The following COL5A2 variants were observed in gnomAD, a reference collection of about 807,000 sequenced individuals.
COL5A2 encodes collagen alpha-2(V) chain.
A neutral mutation model predicts 208.2 loss-of-function variants in COL5A2; 23 were observed. That is an observed-to-expected ratio of 0.11 (90% CI 0.08 to 0.16). The LOEUF is 0.16. Among genes scored for constraint, COL5A2 ranks in the 10% least tolerant of loss-of-function variants. The pLI, the probability that COL5A2 is intolerant of heterozygous loss-of-function variation, is 1.00. For synonymous variants in COL5A2, 625 were observed against 628.5 expected (o/e 0.99, Z 0.08); for missense variants, 1,590 against 1,956.4 (o/e 0.81, Z 3.53).
chr2:189,337,662 G>C, the COL5A2 span, among the ~76,000 whole-genome samples: 1 of 151,848 alleles, frequency 6.6e-6, no homozygotes, highest in Non-Finnish European at 1.5e-5. Flanking sequence ...GAACAGAAGG[G>C]GTTACAATCT....
the COL5A2 span, among the ~76,000 whole-genome samples, chr2:189,333,745 A>G: frequency 6.6e-6 from 1 of 152,084 alleles, no homozygotes; most frequent in Non-Finnish European, 1.5e-5. Flanking sequence ...GAACTCACCA[A>G]TCTATCAGTC....
chr2:189,272,471 T>G, the COL5A2 span, among the ~76,000 whole-genome samples: 88,406 of 151,566 alleles, frequency 0.58, 27,039 homozygotes, highest in East Asian at 0.72. Context: ...TGAGAACACA[T>G]GGACACAGGG....
At chr2:189,428,917 A>T in the COL5A2 span, among the ~76,000 whole-genome samples, 1 of 152,354 alleles carries the variant, frequency 6.6e-6, no homozygotes, top group African/African-American at 2.4e-5. Flanking sequence ...ATGTCAAAAA[A>T]TAGAAAGTAG....
intron 1 of COL5A2, among the ~76,000 whole-genome samples, chr2:189,128,829 C>T (rs1024426829): frequency 6.6e-6 from 1 of 151,942 alleles, no homozygotes; most frequent in Non-Finnish European, 1.5e-5. Flanking sequence ...TCTGCTTCTT[C>T]CTTATAATAA....
the COL5A2 span, among the ~76,000 whole-genome samples, chr2:189,397,691 C>T: frequency 6.6e-6 from 1 of 151,652 alleles, no homozygotes; most frequent in African/African-American, 2.4e-5. Context: ...ACATTTGTGT[C>T]TTCTTTCTCT....
At chr2:189,344,473 C>T in the COL5A2 span, among the ~76,000 whole-genome samples, 2 of 152,176 alleles carry the variant, frequency 1.3e-5, no homozygotes, top group African/African-American at 2.4e-5. Flanking sequence ...GATGCCAAAC[C>T]GCTCCAGACA....
chr2:189,053,930 C>A lies in COL5A2; in HGVS notation c.2464G>T (p.Gly822Cys), dbSNP rs766832990. 1.2e-6 allele frequency: 2 copies of A among 1,614,014 alleles called. No homozygotes were observed. Residue 822 changes from glycine (G) to cysteine (C), a missense_variant, in exon 37 of 54, where the codon GGT becomes TGT. Transcript: ENST00000374866. ...TGEKGEPGPR[G>C]LVGPPGSRGN... ...CGGGAGCCAGGAGGGCCAACTAAAC[C>A]TCGAGGACCAGGTTCACCCTAGAAA...
the COL5A2 span, among the ~76,000 whole-genome samples, chr2:189,427,671 C>A: frequency 1.3e-4 from 20 of 152,326 alleles, no homozygotes; most frequent in East Asian, 3.9e-3. Flanking sequence ...CCCAAGGCTT[C>A]GGGAGCCCAC....
the COL5A2 span, among the ~76,000 whole-genome samples, chr2:189,323,694 A>G: frequency 6.6e-6 from 1 of 152,216 alleles, no homozygotes; most frequent in Non-Finnish European, 1.5e-5. Flanking sequence ...ATGGAAGAAC[A>G]TTCCATGCTC....
the COL5A2 span, among the ~76,000 whole-genome samples, chr2:189,322,601 C>A: frequency 1.3e-5 from 2 of 152,174 alleles, no homozygotes; most frequent in Non-Finnish European, 2.9e-5. Flanking sequence ...TTCCTCGACA[C>A]ATACACCCTC....
intron 7 of COL5A2, 57 bp downstream of exon 7, chr2:189,092,253 A>G: frequency 9.4e-7 from 1 of 1,067,778 alleles, no homozygotes; most frequent in Non-Finnish European, 1.4e-6. Flanking sequence ...TCCTAACAAT[A>G]TATCAATAAT....
chr2:189,159,892 T>G (rs1220643622), intron 1 of COL5A2, among the ~76,000 whole-genome samples: 1 of 151,550 alleles, frequency 6.6e-6, no homozygotes, highest in Non-Finnish European at 1.5e-5. Flanking sequence ...AAAATAATAA[T>G]AATAATAATT....
chr2:189,283,323 A>G, the COL5A2 span, among the ~76,000 whole-genome samples: 1 of 152,024 alleles, frequency 6.6e-6, no homozygotes, highest in African/African-American at 2.4e-5. Flanking sequence ...AGAAAAGATA[A>G]AATTTAAAGA....
chr2:189,388,592 G>C, the COL5A2 span, among the ~76,000 whole-genome samples: 1 of 152,188 alleles, frequency 6.6e-6, no homozygotes, highest in African/African-American at 2.4e-5. Context: ...CAAAGCAGAA[G>C]TGTGACATTG....
chr2:189,224,617 A>G (rs1689389653), intron 1 of COL5A2, among the ~76,000 whole-genome samples: 1 of 152,094 alleles, frequency 6.6e-6, no homozygotes, highest in Admixed American at 6.6e-5. Context: ...TAAACACAAA[A>G]GGCGGAGGTT....
chr2:189,147,949 T>A (rs1204629505), intron 1 of COL5A2, among the ~76,000 whole-genome samples: 1 of 152,100 alleles, frequency 6.6e-6, no homozygotes, highest in Non-Finnish European at 1.5e-5. Flanking sequence ...CTATCACAGA[T>A]CCTTAGAACC....
chr2:189,408,033 A>G, the COL5A2 span, among the ~76,000 whole-genome samples: 1 of 152,136 alleles, frequency 6.6e-6, no homozygotes, highest in Non-Finnish European at 1.5e-5. Flanking sequence ...TCAAACCAAG[A>G]TTGAGTTGAC....
At chr2:189,301,023 C>CA in the COL5A2 span, among the ~76,000 whole-genome samples, 49 of 152,044 alleles carry the variant, frequency 3.2e-4, 1 homozygote, top group South Asian at 8.3e-3. Flanking sequence ...CCTGTCTCTA[C>CA]AAAAAATACA....
At chr2:189,384,739 C>T in the COL5A2 span, among the ~76,000 whole-genome samples, 371 of 152,116 alleles carry the variant, frequency 2.4e-3, 3 homozygotes, top group Non-Finnish European at 4.4e-3. Flanking sequence ...TGTGGAGTAT[C>T]CTTGTAGCTT....
Sources: allele counts gnomAD v4.1 joint callset (sites outside exome capture counted in the v4.1 genomes callset), GRCh38; gene constraint gnomAD v4.1.1; transcripts MANE v1.5; gene names NCBI Gene and HGNC (gene_info 2026-07-23, HGNC 2026-07-21).